Variants in COL8A2 observed in about 807,000 individuals in gnomAD.
COL8A2 encodes the protein collagen type VIII alpha 2 chain.
A neutral mutation model predicts 24.0 loss-of-function variants in COL8A2; 16 were observed. That is an observed-to-expected ratio of 0.67 (90% CI 0.45 to 1.01). The LOEUF is 1.01. Ranked by LOEUF, COL8A2 falls within the 50% of genes least tolerant of loss-of-function variation. The pLI, the probability that COL8A2 is intolerant of heterozygous loss-of-function variation, is 0.00. For missense variants in COL8A2, 818 were observed against 942.4 expected (o/e 0.87, Z 1.73); for synonymous variants, 466 against 424.5 (o/e 1.10, Z -1.20).
intron 1 of COL8A2, among the ~76,000 whole-genome samples, chr1:36,124,738 C>G (rs1347859506): frequency 6.6e-6 from 1 of 152,026 alleles, no homozygotes; most frequent in Non-Finnish European, 1.5e-5. Flanking sequence ...GACGGGAGAT[C>G]GGGAGGTGGT....
Position 36,098,756 on chromosome 1 carries a change from GC to G in COL8A2, c.924del (p.Leu309Ter). On this transcript the variant is annotated frameshift_variant, in exon 4 of 4. Coordinates refer to ENST00000397799, the MANE Select transcript of COL8A2 (RefSeq NM_005202.4). LOFTEE classifies it high-confidence loss of function. The stretch of plus-strand genomic sequence containing the variant: ...ATCCCATAGCCAGTGGGGCCTATCA[GC>G]CCAGGGGGGCCCCGGGTCCCTGGCT... ...KGEPGTRGPPGLIGPTGYGMP... is the reference protein window; with the variant it reads ...KGEPGTRGPPXLIGPTGYGMP... 6.2e-7 allele frequency: 1 copy of G among 1,611,758 alleles called. No individual in the cohort carries two copies. Among genetic ancestry groups the G allele is most frequent in the Non-Finnish European group, 8.5e-7 (1 of 1,179,612 alleles).
At position 36,097,945 on chromosome 1, in the gene COL8A2, G is replaced by T; in HGVS notation, c.1736C>A (p.Ala579Glu). Residue 579 changes from alanine to glutamate, a missense_variant, in exon 4 of 4, where the codon GCG becomes GAG. Coordinates refer to ENST00000397799, the MANE Select transcript of COL8A2 (RefSeq NM_005202.4). ...GGCGGGGAAGGGCGAGGTGAGCACC[G>T]CAGTGAAGGCCGGTGTGGCATGGGC... ...LSAHATPAFT[A>E]VLTSPFPASG... is the part of the protein sequence containing the mutation. 1 of 1,609,822 alleles carries T rather than the reference G, an allele frequency of 6.2e-7. No individual in the cohort carries two copies. Among genetic ancestry groups the T allele is most frequent in the South Asian group, 1.1e-5 (1 of 90,988 alleles).
At chr1:36,119,584 T>C (rs550152710) in intron 1 of COL8A2, among the ~76,000 whole-genome samples, 1 of 152,306 alleles carries the variant, frequency 6.6e-6, no homozygotes, top group Admixed American at 6.5e-5. Context: ...CAGCTGGATT[T>C]GCTGTGCTCC....
rs1224918152 is a variant in COL8A2 at position 36,098,520 on chromosome 1, T to TG, written c.1160dup (p.Gly388ArgfsTer8). The stretch of plus-strand genomic sequence containing the variant: ...GGTCACCTCGAATGCCAGGCACTCC[T>TG]GGGGGTCCTCCAGGCCCTGCCTCAC... On this transcript the variant is annotated frameshift_variant, in exon 4 of 4. Transcript: ENST00000397799. LOFTEE classifies it high-confidence loss of function. 1 of 1,593,498 alleles carries TG rather than the reference T, an allele frequency of 6.3e-7. No individual in the cohort carries two copies. Among genetic ancestry groups the TG allele is most frequent in the African/African-American group, 1.3e-5 (1 of 74,100 alleles).
intron 2 of COL8A2, among the ~76,000 whole-genome samples, chr1:36,102,574 G>A (rs139403601): frequency 4.4e-4 from 66 of 150,902 alleles, no homozygotes; most frequent in African/African-American, 1.6e-3. Context: ...GGTGAAAATT[G>A]CACAGCTCTA....
At chr1:36,106,822 C>A (rs1643769054) in intron 2 of COL8A2, among the ~76,000 whole-genome samples, 1 of 152,180 alleles carries the variant, frequency 6.6e-6, no homozygotes, top group South Asian at 2.1e-4. Context: ...TGTCCTTGAC[C>A]CACCCTCTTG....
chr1:36,112,017 T>A lies in COL8A2; in HGVS notation c.-17+3691A>T, dbSNP rs274139. ...TTATTTAATTAATTTGTTTATTTAT[T>A]TTTTTAGACGGAGTCTCGCTCTGTT... On this transcript the variant is annotated intron_variant, in intron 2 of 3. Transcript: ENST00000397799. Among the ~76,000 whole-genome samples the A allele has an allele frequency of 1.4e-3, 211 of 152,294 alleles. 1 individual carries two copies. The highest frequency in any genetic ancestry group is 4.8e-3 in the African/African-American group (201 of 41,546).
rs543732104 is a variant in COL8A2 at position 36,106,150 on chromosome 1, G to A, written c.-16-5892C>T. Reference sequence around the variant, plus strand: ...GCCAGGCATGGTGGCTGTGATTCCAGCTACTCAGGAAGCTGAGGCTGGAGA... The same window carrying A: ...GCCAGGCATGGTGGCTGTGATTCCAACTACTCAGGAAGCTGAGGCTGGAGA... On this transcript the variant is annotated intron_variant, in intron 2 of 3. Coordinates refer to ENST00000397799, the MANE Select transcript of COL8A2 (RefSeq NM_005202.4). 2.2e-4 allele frequency among the ~76,000 whole-genome samples: 33 copies of A among 152,006 alleles called. 1 individual carries two copies. Among genetic ancestry groups the A allele is most frequent in the African/African-American group, 7.5e-4 (31 of 41,460 alleles).
In COL8A2 at chr1:36,125,172, C is replaced by T. The variant is rs1284818454; in HGVS notation, c.-177G>A. Reference sequence around the variant, plus strand: ...GCGGCGTTGGGGTCCGGGGTCCGCGCCGGCGGGGTTCCGCGTCGCTCTGCC... The same window carrying T: ...GCGGCGTTGGGGTCCGGGGTCCGCGTCGGCGGGGTTCCGCGTCGCTCTGCC... On this transcript the variant is annotated 5_prime_UTR_variant, in exon 1 of 4. Transcript: ENST00000397799. This position sits in a 1 kb window ranked among gnomAD's most constrained non-coding sequence, Gnocchi z 4.5. The T allele has an allele frequency of 2.1e-6, 1 of 474,426 alleles. No homozygotes were observed. Among genetic ancestry groups the T allele is most frequent in the African/African-American group, 2.1e-5 (1 of 47,276 alleles). 29.4% of individuals were successfully genotyped at this position (474,426 alleles called of 1,614,324 possible). A position where few individuals can be genotyped will look rare whatever the true frequency, so the allele number is the denominator to read the frequency against.
At chr1:36,120,841 C>A (rs1051757642) in intron 1 of COL8A2, among the ~76,000 whole-genome samples, 2 of 151,438 alleles carry the variant, frequency 1.3e-5, no homozygotes, top group African/African-American at 4.9e-5. Flanking sequence ...ATAATCCCAG[C>A]ACTTTGGAAG....
intron 2 of COL8A2, among the ~76,000 whole-genome samples, chr1:36,111,465 G>T (rs975602400): frequency 5.3e-5 from 8 of 152,000 alleles, no homozygotes; most frequent in Non-Finnish European, 1.2e-4. Context: ...TTCTCCTATA[G>T]TGTCTAGCTC....
intron 2 of COL8A2, among the ~76,000 whole-genome samples, chr1:36,114,754 C>T (rs1242033967): frequency 1.3e-5 from 2 of 152,066 alleles, no homozygotes; most frequent in Non-Finnish European, 2.9e-5. Flanking sequence ...CCTGGGGGCT[C>T]CAGGTCCAGG....
At chr1:36,114,318 CAA>C (rs57876657) in intron 2 of COL8A2, among the ~76,000 whole-genome samples, 3 of 115,334 alleles carry the variant, frequency 2.6e-5, no homozygotes, top group African/African-American at 3.5e-5. Context: ...GACTCCATCT[CAA>C]AAAAAAAAAA....
Position 36,120,777 on chromosome 1 carries a change from GAGGA to G in COL8A2, c.-62+4276_-62+4279del, listed in dbSNP as rs1354098143. Among the ~76,000 whole-genome samples, 251 of 144,830 alleles carry G rather than the reference GAGGA, an allele frequency of 1.7e-3. 1 individual carries two copies. The highest frequency in any genetic ancestry group is 5.0e-3 in the African/African-American group (197 of 39,108). ...AAAAAAAAAAAAATAGAGAGAGAGA[GAGGA>G]AGGAAGGAAGGAAGGAAGGAAGAAA... On this transcript the variant is annotated intron_variant, in intron 1 of 3. Coordinates refer to ENST00000397799, the MANE Select transcript of COL8A2 (RefSeq NM_005202.4).
chr1:36,098,124 G>T lies in COL8A2; in HGVS notation c.1557C>A (p.Gly519=), dbSNP rs779850456. ...CCGGGGGCCCGGGAGGCCCCGGAGG[G>T]CCCGTGATTCCAGGGGAGCCAGGGA... ...PGVPGSPGIT[G]PPGPPGPPGP... is the part of the protein sequence containing the mutation. The change falls in exon 4 of 4, where the codon GGC becomes GGA. Residue 519 remains glycine (G), a synonymous_variant. Coordinates refer to ENST00000397799, the MANE Select transcript of COL8A2 (RefSeq NM_005202.4). The T allele has an allele frequency of 6.7e-7, 1 of 1,492,652 alleles. No individual in the cohort carries two copies. Among genetic ancestry groups the T allele is most frequent in the Admixed American group, 2.5e-5 (1 of 40,586 alleles). The allele number at this position is 1,492,652 out of a possible 1,614,324, so 92.5% of individuals were successfully genotyped here.
At chr1:36,103,536 G>A (rs1476636552) in intron 2 of COL8A2, among the ~76,000 whole-genome samples, 6 of 152,124 alleles carry the variant, frequency 3.9e-5, no homozygotes, top group Non-Finnish European at 8.8e-5. Context: ...GCCTCCCAAA[G>A]TACTGGGATT....
intron 1 of COL8A2, among the ~76,000 whole-genome samples, chr1:36,124,751 C>T (rs1280463914): frequency 6.6e-6 from 1 of 151,988 alleles, no homozygotes; most frequent in East Asian, 1.9e-4. Flanking sequence ...GAGGTGGTGA[C>T]GCGCCCAGAG....
chr1:36,117,508 A>G lies in COL8A2; in HGVS notation c.-61-1756T>C, dbSNP rs79785322. ...CTGAATATATTCAGGGGATGGAGAG[A>G]ATCCAAATAAAATAGACAAACACAT... On this transcript the variant is annotated intron_variant, in intron 1 of 3. Coordinates refer to ENST00000397799, the MANE Select transcript of COL8A2 (RefSeq NM_005202.4). Among the ~76,000 whole-genome samples, 84 of 152,242 alleles carry G rather than the reference A, an allele frequency of 5.5e-4. No homozygotes were observed. In the East Asian group the frequency reaches 0.015, roughly 27 times the overall value.
intron 2 of COL8A2, among the ~76,000 whole-genome samples, chr1:36,109,570 G>A (rs1267288183): frequency 7.0e-6 from 1 of 142,740 alleles, no homozygotes; most frequent in Non-Finnish European, 1.5e-5. Context: ...TCTGCCTATG[G>A]AGTAACCACT....
Sources: allele counts gnomAD v4.1 joint callset (sites outside exome capture counted in the v4.1 genomes callset), GRCh38; gene constraint gnomAD v4.1.1; non-coding constraint Gnocchi (gnomAD v3.1); transcripts MANE v1.5; gene names NCBI Gene and HGNC (gene_info 2026-07-23, HGNC 2026-07-21).